Variants in CSMD1 observed in about 807,000 individuals in gnomAD.
CSMD1 encodes the protein CUB and Sushi multiple domains 1.
In CSMD1, 213 loss-of-function variants were observed where a neutral mutation model predicts 417.5. That is an observed-to-expected ratio of 0.51 (90% CI 0.46 to 0.57). CSMD1 has a LOEUF of 0.57. Among genes scored for constraint, CSMD1 ranks in the 20% least tolerant of loss-of-function variants. CSMD1 has a pLI of 0.00. For missense variants in CSMD1, 6,923 were observed against 4,529.7 expected, an observed-to-expected ratio of 1.53 and a Z score of -15.17; for synonymous variants, 2,862 against 1,736.8, an observed-to-expected ratio of 1.65 and a Z score of -16.11.
Position 3,677,729 on chromosome 8 carries a change from G to C in CSMD1, c.1009+30685C>G, listed in dbSNP as rs141023554. On this transcript the variant is annotated intron_variant, in intron 7 of 69. Transcript: ENST00000635120. ...GTTTTGTTCTGGAAGTCTGTCTTTTGGAAAAAAGCCCTAAACTTTGTAAAA... is the reference window on the plus strand; with the variant it reads ...GTTTTGTTCTGGAAGTCTGTCTTTTCGAAAAAAGCCCTAAACTTTGTAAAA... Among the ~76,000 whole-genome samples the C allele has an allele frequency of 4.7e-3, 708 of 152,074 alleles. 9 individuals carry two copies. Among genetic ancestry groups the C allele is most frequent in the African/African-American group, 0.016 (672 of 41,494 alleles).
chr8:3,942,205 G>A (rs558208398), intron 5 of CSMD1, among the ~76,000 whole-genome samples: 2 of 152,004 alleles, frequency 1.3e-5, no homozygotes, highest in East Asian at 3.9e-4. Context: ...ACATTATGGT[G>A]ACTTGTATTA....
chr8:3,642,612 G>A (rs1466170299), intron 7 of CSMD1, among the ~76,000 whole-genome samples: 2 of 152,134 alleles, frequency 1.3e-5, no homozygotes, highest in East Asian at 3.9e-4. Flanking sequence ...GAGAAAACCT[G>A]GCATCGTGAG....
intron 3 of CSMD1, among the ~76,000 whole-genome samples, chr8:4,093,747 G>A (rs1460918514): frequency 6.6e-6 from 1 of 152,078 alleles, no homozygotes. Context: ...GATAAACTGA[G>A]GTCAGGAGTT....
At chr8:4,890,391 G>C (rs1804032680) in intron 1 of CSMD1, among the ~76,000 whole-genome samples, 1 of 152,084 alleles carries the variant, frequency 6.6e-6, no homozygotes, top group Non-Finnish European at 1.5e-5. Context: ...CACAGCCATG[G>C]GCATCCTGGG....
At chr8:3,660,610 T>C (rs1798366118) in intron 7 of CSMD1, among the ~76,000 whole-genome samples, 1 of 142,928 alleles carries the variant, frequency 7.0e-6, no homozygotes, top group Admixed American at 7.3e-5. Flanking sequence ...ACCCTCCACC[T>C]CCCAGGTTCA....
rs1049024026 is a variant in CSMD1, at chr8:4,311,789, A to G, written c.415+108164T>C. 2.4e-4 allele frequency among the ~76,000 whole-genome samples: 36 copies of G among 151,558 alleles called. No homozygotes were observed. In the East Asian group the frequency reaches 6.3e-3, roughly 26 times the overall value. On this transcript the variant is annotated intron_variant, in intron 3 of 69. Coordinates refer to ENST00000635120, the MANE Select transcript of CSMD1 (RefSeq NM_033225.6). ...CATAGAGGGGAACACATAGAGGGGA[A>G]CAACACACACTAGGGCCTAGTGGAT...
intron 52 of CSMD1, among the ~76,000 whole-genome samples, chr8:3,003,190 T>C (rs1416374716): frequency 1.3e-5 from 2 of 152,336 alleles, no homozygotes; most frequent in African/African-American, 4.8e-5. Flanking sequence ...CAAATCTTAA[T>C]GATATTGTGT....
At chr8:3,177,746 A>G (rs539053466) in intron 37 of CSMD1, among the ~76,000 whole-genome samples, 6 of 152,292 alleles carry the variant, frequency 3.9e-5, no homozygotes, top group African/African-American at 1.4e-4. Context: ...CCAGATCAAT[A>G]CTGAGTTCAA....
At chr8:3,575,515 C>G (rs1800114443) in intron 9 of CSMD1, among the ~76,000 whole-genome samples, 1 of 152,156 alleles carries the variant, frequency 6.6e-6, no homozygotes, top group Admixed American at 6.5e-5. Flanking sequence ...ACCATCTCAG[C>G]TACGTCTTAC....
At chr8:4,440,890 G>A (rs1480206373) in intron 2 of CSMD1, among the ~76,000 whole-genome samples, 1 of 151,376 alleles carries the variant, frequency 6.6e-6, no homozygotes, top group African/African-American at 2.4e-5. Flanking sequence ...CCAGCTACTT[G>A]GGAGACTGAG....
In CSMD1 at chr8:4,277,133, T is replaced by G. The variant is rs145027740; in HGVS notation, c.415+142820A>C. On this transcript the variant is annotated intron_variant, in intron 3 of 69. Coordinates refer to ENST00000635120, the MANE Select transcript of CSMD1 (RefSeq NM_033225.6). ...TAAAAATAGTTCCTTCATAAACCCT[T>G]ACTATATAGAGCCATAGTTTAATCC... Among the ~76,000 whole-genome samples the G allele has an allele frequency of 6.6e-5, 10 of 152,204 alleles. 1 individual carries two copies. Among genetic ancestry groups the G allele is most frequent in the African/African-American group, 2.4e-4 (10 of 41,536 alleles).
intron 1 of CSMD1, among the ~76,000 whole-genome samples, chr8:4,767,880 A>G (rs2117130586): frequency 6.6e-6 from 1 of 152,336 alleles, no homozygotes; most frequent in East Asian, 1.9e-4. Context: ...GCTAGTTTAC[A>G]GTGTAGGCAC....
intron 11 of CSMD1, among the ~76,000 whole-genome samples, chr8:3,480,356 ACT>A (rs1174459995): frequency 2.0e-5 from 3 of 152,194 alleles, no homozygotes; most frequent in South Asian, 2.1e-4. Flanking sequence ...ATGGAGAAAG[ACT>A]CTGTCTCAAA....
At chr8:3,329,603 C>T (rs1334509788) in intron 23 of CSMD1, among the ~76,000 whole-genome samples, 5 of 152,282 alleles carry the variant, frequency 3.3e-5, no homozygotes, top group African/African-American at 4.8e-5. Context: ...ACCATGAGTG[C>T]GTCCCCTTCA....
At chr8:4,761,404 A>T (rs915194084) in intron 1 of CSMD1, among the ~76,000 whole-genome samples, 1 of 152,114 alleles carries the variant, frequency 6.6e-6, no homozygotes, top group Non-Finnish European at 1.5e-5. Flanking sequence ...ATATACACAC[A>T]TATATATACA....
At chr8:3,662,698 A>G (rs1798482008) in intron 7 of CSMD1, among the ~76,000 whole-genome samples, 1 of 152,174 alleles carries the variant, frequency 6.6e-6, no homozygotes, top group African/African-American at 2.4e-5. Flanking sequence ...AGGGACATGG[A>G]TGAAGCTGGA....
chr8:3,004,315 G>A (rs979533756), intron 52 of CSMD1, among the ~76,000 whole-genome samples: 1 of 152,180 alleles, frequency 6.6e-6, no homozygotes, highest in African/African-American at 2.4e-5. Context: ...ACAGGCAATT[G>A]TGTAGCAACA....
intron 69 of CSMD1, among the ~76,000 whole-genome samples, chr8:2,941,274 G>A (rs956830086): frequency 6.6e-6 from 1 of 152,120 alleles, no homozygotes; most frequent in African/African-American, 2.4e-5. Context: ...TCTCTACTGT[G>A]TATTTCAAAA....
In CSMD1 at chr8:3,825,929, T is replaced by C. The variant is rs577665774; in HGVS notation, c.819-71887A>G. ...CAGACATGCAGGTAAGAATTCATTT[T>C]GATAAATTCCAACTTAAGATTAAAT... is the stretch of plus-strand genomic sequence containing the variant. On this transcript the variant is annotated intron_variant, in intron 5 of 69. Coordinates refer to ENST00000635120, the MANE Select transcript of CSMD1 (RefSeq NM_033225.6). Among the ~76,000 whole-genome samples, 7 of 152,360 alleles carry C rather than the reference T, an allele frequency of 4.6e-5. No individual in the cohort carries two copies. The South Asian group carries it at 1.0e-3, about 23-fold the overall frequency.
Sources: gnomAD v4.1 joint callset for allele counts (sites outside exome capture counted in the v4.1 genomes callset) on GRCh38, gnomAD v4.1.1 for gene constraint, MANE v1.5 for transcripts, NCBI Gene and HGNC (gene_info 2026-07-23, HGNC 2026-07-21) for gene names.